The following GULP1 variants were observed in gnomAD, a reference collection of about 807,000 sequenced individuals.
GULP1 encodes the protein GULP PTB domain containing engulfment adaptor 1.
A neutral mutation model predicts 40.9 loss-of-function variants in GULP1; 19 were observed. The observed-to-expected ratio is 0.46, with a 90% confidence interval of 0.32 to 0.68. The LOEUF (loss-of-function observed/expected upper bound fraction) is 0.68, where lower values mean the gene tolerates loss of function less well. GULP1 is among the 30% of genes least tolerant of loss of function. The pLI, the probability that GULP1 is intolerant of heterozygous loss-of-function variation, is 0.03. For synonymous variants in GULP1, 119 were observed against 117.6 expected (o/e 1.01, Z -0.08); for missense variants, 312 against 362.2 (o/e 0.86, Z 1.12).
chr2:188,536,128 T>C (rs1688878188), intron 6 of GULP1, among the ~76,000 whole-genome samples: 1 of 152,134 alleles, frequency 6.6e-6, no homozygotes, highest in Admixed American at 6.6e-5. Context: ...GCAAATATTT[T>C]CTCCCATTCT....
At chr2:188,550,602 CTTAA>C (rs1262189518) in intron 7 of GULP1, among the ~76,000 whole-genome samples, 4 of 151,546 alleles carry the variant, frequency 2.6e-5, no homozygotes, top group East Asian at 1.9e-4. Context: ...ATTTTTACAT[CTTAA>C]TTAATTCTCC....
At chr2:188,506,255 TTAAATTC>T (rs2063901370) in intron 4 of GULP1, among the ~76,000 whole-genome samples, 1 of 151,896 alleles carries the variant, frequency 6.6e-6, no homozygotes, top group Non-Finnish European at 1.5e-5. Flanking sequence ...TTTTCACTAA[TTAAATTC>T]CTGGAGTTAT....
At chr2:188,413,109 A>G (rs1215847330) in intron 2 of GULP1, among the ~76,000 whole-genome samples, 1 of 152,204 alleles carries the variant, frequency 6.6e-6, no homozygotes, top group East Asian at 1.9e-4. Flanking sequence ...TTTTCATAAT[A>G]CTTTTAATAT....
intron 1 of GULP1, among the ~76,000 whole-genome samples, chr2:188,302,478 T>C (rs2106111128): frequency 6.6e-6 from 1 of 152,294 alleles, no homozygotes; most frequent in African/African-American, 2.4e-5. Flanking sequence ...GTCTGAGTAA[T>C]TTAAAACTTA....
chr2:188,294,485 CTCT>C (rs879849316), intron 1 of GULP1: 10 of 151,876 alleles, frequency 6.6e-5, no homozygotes, highest in Admixed American at 2.6e-4. Flanking sequence ...GCAATTCAGA[CTCT>C]TCTTTGTGTA....
intron 2 of GULP1, among the ~76,000 whole-genome samples, 189 bp from the exon 3 acceptor site, chr2:188,477,470 C>G (rs2061104657): frequency 6.6e-6 from 1 of 152,066 alleles, no homozygotes; most frequent in African/African-American, 2.4e-5. Context: ...ACATTCCTAT[C>G]TGCTTGTGCC....
At position 188,373,492 on chromosome 2, in the gene GULP1, A is replaced by C. The variant is rs150973084; in HGVS notation, c.-171-10271A>C. 3.0e-3 allele frequency among the ~76,000 whole-genome samples: 457 copies of C among 152,138 alleles called. 1 individual carries two copies. Among genetic ancestry groups the C allele is most frequent in the Non-Finnish European group, 5.3e-3 (359 of 67,896 alleles). On this transcript the variant is annotated intron_variant, in intron 1 of 11. Transcript: ENST00000409830. ...TATATCTTAAGTTTCTTATAAAATA[A>C]GGTTGGATTTACTTTTCCAGTTCCA... is the stretch of plus-strand genomic sequence containing the variant.
At chr2:188,454,268 A>G (rs1181549515) in intron 2 of GULP1, among the ~76,000 whole-genome samples, 2 of 152,054 alleles carry the variant, frequency 1.3e-5, no homozygotes, top group African/African-American at 2.4e-5. Context: ...TGTTCCCCCA[A>G]TCCTGCAGTC....
chr2:188,529,729 T>G (rs1304541382), intron 6 of GULP1, among the ~76,000 whole-genome samples: 1 of 152,160 alleles, frequency 6.6e-6, no homozygotes, highest in East Asian at 1.9e-4. Flanking sequence ...CTCCTTGGCT[T>G]ACAGAGGGCT....
intron 2 of GULP1, among the ~76,000 whole-genome samples, chr2:188,452,815 T>C (rs184633286): frequency 1.7e-4 from 26 of 152,322 alleles, no homozygotes; most frequent in African/African-American, 5.8e-4. Context: ...ATTTGAATAT[T>C]TTATTAATAC....
intron 7 of GULP1, among the ~76,000 whole-genome samples, chr2:188,558,489 T>A (rs1695414475): frequency 6.6e-6 from 1 of 152,198 alleles, no homozygotes; most frequent in Admixed American, 6.5e-5. Context: ...TATGTCTTTA[T>A]CAGCAGCATG....
intron 1 of GULP1, among the ~76,000 whole-genome samples, chr2:188,365,849 G>A (rs1425936404): frequency 1.3e-5 from 2 of 152,180 alleles, no homozygotes; most frequent in African/African-American, 4.8e-5. Flanking sequence ...GGGCGATATG[G>A]TATATGCACA....
At chr2:188,303,185 AT>A (rs1340548491) in intron 1 of GULP1, among the ~76,000 whole-genome samples, 8 of 152,164 alleles carry the variant, frequency 5.3e-5, no homozygotes, top group Non-Finnish European at 1.0e-4. Flanking sequence ...AGCAGTATGC[AT>A]ATTGGTTTTT....
At chr2:188,586,928 A>C (rs1387802382) in intron 10 of GULP1, among the ~76,000 whole-genome samples, 1 of 151,776 alleles carries the variant, frequency 6.6e-6, no homozygotes, top group Non-Finnish European at 1.5e-5. Context: ...GTACATGTGC[A>C]CATTGTGCAG....
chr2:188,439,686 G>A (rs2057747155), intron 2 of GULP1, among the ~76,000 whole-genome samples: 1 of 152,084 alleles, frequency 6.6e-6, no homozygotes, highest in African/African-American at 2.4e-5. Context: ...GAGGTAACTG[G>A]GAGATGTGGT....
At chr2:188,581,382 T>C (rs1250351281) in intron 9 of GULP1, among the ~76,000 whole-genome samples, 1 of 152,200 alleles carries the variant, frequency 6.6e-6, no homozygotes, top group Non-Finnish European at 1.5e-5. Flanking sequence ...GTGCCATTCC[T>C]TGGGGAAAAT....
intron 2 of GULP1, among the ~76,000 whole-genome samples, chr2:188,402,903 T>C (rs2052514801): frequency 6.6e-6 from 1 of 152,128 alleles, no homozygotes; most frequent in Admixed American, 6.5e-5. Flanking sequence ...CATAGGGAAA[T>C]TTTGTTTACA....
At position 188,441,246 on chromosome 2, in the gene GULP1, T is replaced by C. The variant is rs375210512; in HGVS notation, c.-44-36413T>C. On this transcript the variant is annotated intron_variant, in intron 2 of 11. Transcript: ENST00000409830. ...GGAAACCACAAGTTTCCTCTTATTT[T>C]CAAATCTCCCAGCACATATAAGTGG... 5.3e-5 allele frequency among the ~76,000 whole-genome samples: 8 copies of C among 152,330 alleles called. No homozygotes were observed. In the East Asian group the frequency reaches 1.2e-3, roughly 22 times the overall value.
chr2:188,499,131 G>GTATATA (rs1206779239), intron 4 of GULP1, among the ~76,000 whole-genome samples: 3 of 40,130 alleles, frequency 7.5e-5, no homozygotes, highest in Non-Finnish European at 1.5e-4. Context: ...ACATATATGT[G>GTATATA]TGTGTATATA....
Sources: allele counts gnomAD v4.1 joint callset (sites outside exome capture counted in the v4.1 genomes callset), GRCh38; gene constraint gnomAD v4.1.1; transcripts MANE v1.5; gene names NCBI Gene and HGNC (gene_info 2026-07-23, HGNC 2026-07-21).